LHFPL3: variants seen among roughly 807,000 people sequenced by gnomAD.
LHFPL3 encodes the protein LHFPL tetraspan subfamily member 3 protein.
In LHFPL3, 5 loss-of-function variants were observed where a neutral mutation model predicts 19.3. The observed-to-expected ratio is 0.26, with a 90% confidence interval of 0.14 to 0.54. The LOEUF is 0.54. LHFPL3 is among the 20% of genes least tolerant of loss of function. The pLI is 0.94. For missense variants in LHFPL3, 249 were observed against 307.4 expected, an observed-to-expected ratio of 0.81 and a Z score of 1.42; for synonymous variants, 133 against 126.2, an observed-to-expected ratio of 1.05 and a Z score of -0.36.
In LHFPL3 at chr7:104,400,782, A is replaced by G. The variant is rs556510023; in HGVS notation, c.445+71558A>G. Among the ~76,000 whole-genome samples the G allele has an allele frequency of 3.3e-5, 5 of 152,162 alleles. No homozygotes were observed. The South Asian group carries it at 1.0e-3, about 32-fold the overall frequency. On this transcript the variant is annotated intron_variant, in intron 1 of 2. Coordinates refer to ENST00000424859, the MANE Select transcript of LHFPL3 (RefSeq NM_199000.3). ...AAATTTTTATCAATATTTTCACCCC[A>G]ATTGTTAACCTCCTCTTTCTCCACA...
At chr7:104,581,804 G>T (rs1790466190) in intron 1 of LHFPL3, among the ~76,000 whole-genome samples, 1 of 151,860 alleles carries the variant, frequency 6.6e-6, no homozygotes, top group South Asian at 2.1e-4. Flanking sequence ...GTACATGTGG[G>T]TTTATATTTC....
At chr7:104,893,376 T>C (rs1338853718) in intron 2 of LHFPL3, among the ~76,000 whole-genome samples, 2 of 151,876 alleles carry the variant, frequency 1.3e-5, no homozygotes, top group East Asian at 3.9e-4. Flanking sequence ...TAAAGGGGCA[T>C]GGTAGTATAT....
At chr7:104,368,677 G>GTGTGTGTT (rs1554382289) in intron 1 of LHFPL3, among the ~76,000 whole-genome samples, 1 of 146,630 alleles carries the variant, frequency 6.8e-6, no homozygotes, top group African/African-American at 2.5e-5. Flanking sequence ...GTGTGTGTGT[G>GTGTGTGTT]TGTTGTTTTG....
intron 1 of LHFPL3, among the ~76,000 whole-genome samples, chr7:104,404,592 T>C (rs17137331): frequency 0.022 from 3,385 of 152,298 alleles, 110 homozygotes; most frequent in African/African-American, 0.077. Flanking sequence ...GGAATCAGAA[T>C]TGAGCCATAA....
chr7:104,335,753 T>C (rs1381567365), intron 1 of LHFPL3, among the ~76,000 whole-genome samples: 3 of 152,120 alleles, frequency 2.0e-5, no homozygotes, highest in Non-Finnish European at 4.4e-5. Flanking sequence ...TGGTAATTTT[T>C]GTTTGGCATG....
chr7:104,639,958 T>C (rs958684130), intron 1 of LHFPL3, among the ~76,000 whole-genome samples: 1 of 152,206 alleles, frequency 6.6e-6, no homozygotes, highest in Non-Finnish European at 1.5e-5. Flanking sequence ...ATAAGCAGAA[T>C]GATGGCAAAA....
intron 2 of LHFPL3, among the ~76,000 whole-genome samples, chr7:104,819,309 C>G (rs191342382): frequency 1.1e-4 from 17 of 150,752 alleles, no homozygotes; most frequent in African/African-American, 4.1e-4. Flanking sequence ...CAGTTCAGTT[C>G]TATGCAAACA....
intron 2 of LHFPL3, among the ~76,000 whole-genome samples, chr7:104,847,400 A>C (rs1225260172): frequency 1.3e-5 from 2 of 152,270 alleles, no homozygotes; most frequent in Admixed American, 6.5e-5. Flanking sequence ...GAGTTTTGAG[A>C]TACATCCTTC....
intron 1 of LHFPL3, among the ~76,000 whole-genome samples, chr7:104,358,651 A>G (rs1426303576): frequency 1.3e-5 from 2 of 152,208 alleles, no homozygotes; most frequent in Non-Finnish European, 2.9e-5. Context: ...AGAGCCAGTG[A>G]TGGAGATCTT....
intron 2 of LHFPL3, among the ~76,000 whole-genome samples, chr7:104,795,432 G>T (rs188009456): frequency 6.6e-6 from 1 of 152,198 alleles, no homozygotes; most frequent in African/African-American, 2.4e-5. Flanking sequence ...TTCCTTAAAT[G>T]ATGTTCATTA....
intron 1 of LHFPL3, among the ~76,000 whole-genome samples, chr7:104,410,110 C>T (rs1791506762): frequency 6.6e-6 from 1 of 151,970 alleles, no homozygotes; most frequent in African/African-American, 2.4e-5. Context: ...ATTAACTCAT[C>T]TATATGTCTG....
chr7:104,893,479 G>A lies in LHFPL3; in HGVS notation c.683-12708G>A, dbSNP rs558058012. Among the ~76,000 whole-genome samples the A allele has an allele frequency of 3.9e-3, 582 of 150,748 alleles. 3 individuals are homozygous for A. Among genetic ancestry groups the A allele is most frequent in the Non-Finnish European group, 6.4e-3 (436 of 67,666 alleles). Reference sequence around the variant, plus strand: ...GGAGGTTGCAGTGAGCCAAGATCACGCCACTATACTCCAGCCTGGGTGACA... The same window carrying A: ...GGAGGTTGCAGTGAGCCAAGATCACACCACTATACTCCAGCCTGGGTGACA... On this transcript the variant is annotated intron_variant, in intron 2 of 2. Coordinates refer to ENST00000424859, the MANE Select transcript of LHFPL3 (RefSeq NM_199000.3).
chr7:104,748,882 C>T (rs1317631413), intron 2 of LHFPL3, among the ~76,000 whole-genome samples: 1 of 152,204 alleles, frequency 6.6e-6, no homozygotes, highest in East Asian at 1.9e-4. Context: ...GGCAACCCAC[C>T]CCTACATCTG....
chr7:104,486,318 T>A (rs1793236591), intron 1 of LHFPL3, among the ~76,000 whole-genome samples: 1 of 152,246 alleles, frequency 6.6e-6, no homozygotes, highest in Non-Finnish European at 1.5e-5. Flanking sequence ...CTTTCTGCTT[T>A]CTTCTTGATT....
chr7:104,566,393 A>T (rs1790126008), intron 1 of LHFPL3, among the ~76,000 whole-genome samples: 1 of 152,124 alleles, frequency 6.6e-6, no homozygotes, highest in Non-Finnish European at 1.5e-5. Flanking sequence ...TCTCACCCTC[A>T]GCATCCACAT....
At chr7:104,594,131 C>T (rs1790789622) in intron 1 of LHFPL3, among the ~76,000 whole-genome samples, 1 of 152,176 alleles carries the variant, frequency 6.6e-6, no homozygotes, top group Non-Finnish European at 1.5e-5. Context: ...TTCATAGCAT[C>T]AGTAGTTTTT....
intron 1 of LHFPL3, among the ~76,000 whole-genome samples, chr7:104,631,227 G>C (rs1360608022): frequency 6.6e-6 from 1 of 152,136 alleles, no homozygotes; most frequent in African/African-American, 2.4e-5. Context: ...TTGCAGCTGA[G>C]GTAATAAATT....
At chr7:104,404,510 T>C (rs1050727165) in intron 1 of LHFPL3, among the ~76,000 whole-genome samples, 29 of 152,182 alleles carry the variant, frequency 1.9e-4, no homozygotes, top group Non-Finnish European at 3.2e-4. Flanking sequence ...AGAAAGTACA[T>C]TGAGAGGTAA....
At chr7:104,557,362 C>T (rs1789865717) in intron 1 of LHFPL3, among the ~76,000 whole-genome samples, 3 of 152,204 alleles carry the variant, frequency 2.0e-5, no homozygotes, top group African/African-American at 7.2e-5. Context: ...AGGATCAAGT[C>T]ACGTTTTACA....
Sources: allele counts gnomAD v4.1 joint callset (sites outside exome capture counted in the v4.1 genomes callset), GRCh38; gene constraint gnomAD v4.1.1; transcripts MANE v1.5; gene names NCBI Gene and HGNC (gene_info 2026-07-23, HGNC 2026-07-21).